Variants in CENPE observed in about 807,000 individuals in gnomAD.
CENPE encodes centromere protein E, also known as centromere-associated protein E.
Under a neutral mutation model 336.1 loss-of-function variants are expected in CENPE, and 145 were observed. The observed-to-expected ratio is 0.43, with a 90% CI of 0.38 to 0.50. The LOEUF is 0.50. Ranked by LOEUF, CENPE falls within the 20% of genes least tolerant of loss-of-function variation. The pLI is 0.00. For missense variants in CENPE, 2,719 were observed against 3,023.3 expected (o/e 0.90, Z 2.36); for synonymous variants, 1,013 against 984.8 (o/e 1.03, Z -0.54).
intron 47 of CENPE, 132 bp downstream of exon 47, chr4:103,110,696 T>A: frequency 1.9e-6 from 1 of 534,988 alleles, no homozygotes; most frequent in Non-Finnish European, 3.2e-6. Flanking sequence ...ACTTATTACC[T>A]GAGCTCTAAA....
intron 20 of CENPE, 27 bp from the exon 21 acceptor site, chr4:103,160,806 A>G (rs1379833208): frequency 6.5e-7 from 1 of 1,546,946 alleles, no homozygotes; most frequent in Admixed American, 2.1e-5. Flanking sequence ...AATTGTATAA[A>G]GATCCAATGT....
At chr4:103,153,345 G>T in intron 24 of CENPE, 95 bp from the exon 25 acceptor site, 1 of 740,864 alleles carries the variant, frequency 1.3e-6, no homozygotes, top group Non-Finnish European at 2.2e-6. Flanking sequence ...TATGTGCCAG[G>T]TACTATTCTC....
intron 16 of CENPE, among the ~76,000 whole-genome samples, chr4:103,167,098 C>T (rs71597143): frequency 8.5e-5 from 13 of 152,120 alleles, no homozygotes; most frequent in South Asian, 2.1e-4. Flanking sequence ...AAAAACAAAA[C>T]GTACAAAATT....
rs777190642 is a variant in CENPE, at chr4:103,161,371, A to G, written c.1929T>C (p.Phe643=). The part of the protein sequence containing the change: ...VALDAKRESA[F]LRSENLELKE... The stretch of plus-strand genomic sequence containing the variant: ...TCAGCTCCAGATTTTCACTTCTAAG[A>G]AAGGCTGATTCTCTCTTGGCATCAA... Residue 643 remains phenylalanine (F), a synonymous_variant, in exon 19 of 49, where the codon TTT becomes TTC. Coordinates refer to ENST00000265148, the MANE Select transcript of CENPE (RefSeq NM_001813.3). The G allele has an allele frequency of 5.0e-6, 8 of 1,612,062 alleles. No homozygotes were observed. Among genetic ancestry groups the G allele is most frequent in the Non-Finnish European group, 6.8e-6 (8 of 1,179,130 alleles).
intron 40 of CENPE, among the ~76,000 whole-genome samples, 193 bp downstream of exon 40, chr4:103,135,948 A>G (rs1261449139): frequency 1.3e-5 from 2 of 152,224 alleles, no homozygotes; most frequent in African/African-American, 2.4e-5. Context: ...ACATCCTGAC[A>G]TAATGTCTAG....
At chr4:103,154,411 C>A (rs763565983) in intron 24 of CENPE, among the ~76,000 whole-genome samples, 3 of 151,926 alleles carry the variant, frequency 2.0e-5, no homozygotes, top group South Asian at 2.1e-4. Flanking sequence ...ATGTAACCTA[C>A]AAATAATTTT....
chr4:103,192,882 T>G (rs1416688387), intron 8 of CENPE, among the ~76,000 whole-genome samples: 1 of 151,860 alleles, frequency 6.6e-6, no homozygotes, highest in Non-Finnish European at 1.5e-5. Flanking sequence ...GAGCAAGAAC[T>G]TGAGTAAGAA....
intron 48 of CENPE, among the ~76,000 whole-genome samples, chr4:103,108,563 C>T (rs779807644): frequency 1.4e-4 from 21 of 151,214 alleles, no homozygotes; most frequent in Non-Finnish European, 2.7e-4. Context: ...TCTCTTTGGA[C>T]GAAACTAAAG....
At chr4:103,180,985 GA>G (rs1295625929) in intron 12 of CENPE, among the ~76,000 whole-genome samples, 1 of 152,098 alleles carries the variant, frequency 6.6e-6, no homozygotes. Flanking sequence ...AGGATAACAT[GA>G]AAACACAGAA....
intron 16 of CENPE, among the ~76,000 whole-genome samples, chr4:103,174,460 T>C (rs1447414037): frequency 6.6e-6 from 1 of 152,016 alleles, no homozygotes; most frequent in African/African-American, 2.4e-5. Flanking sequence ...TTAATGACAA[T>C]TTATTGTATT....
rs111949098 is a variant in CENPE at position 103,194,280 on chromosome 4, T to C, written c.642A>G (p.Arg214=). The C allele has an allele frequency of 1.2e-6, 2 of 1,612,766 alleles. No individual in the cohort carries two copies. Among genetic ancestry groups the C allele is most frequent in the Non-Finnish European group, 1.7e-6 (2 of 1,179,184 alleles). ...HTIFRMILES[R]EKGEPSNCEG... ...CACAATTAGAAGGTTCACCCTTCTC[T>C]CTGCTTTCCAAAATCTAGATAGAAA... The change falls in exon 8 of 49, where the codon AGA becomes AGG. Residue 214 remains arginine (R), a synonymous_variant. Transcript: ENST00000265148.
intron 8 of CENPE, among the ~76,000 whole-genome samples, chr4:103,189,808 G>C (rs924331440): frequency 6.6e-6 from 1 of 152,006 alleles, no homozygotes; most frequent in African/African-American, 2.4e-5. Context: ...CAGGCAGGAG[G>C]AGGAAATAAA....
chr4:103,138,279 C>A lies in CENPE; in HGVS notation c.6303+72G>T, dbSNP rs1370414013. On this transcript the variant is annotated intron_variant, in intron 39 of 48. Coordinates refer to ENST00000265148, the MANE Select transcript of CENPE (RefSeq NM_001813.3). Reference sequence around the variant, plus strand: ...TATTTATTCCAGAGGTTCCTTCAATCCCACTTCAGGTTTCGGTAAGCCTTT... The same window carrying A: ...TATTTATTCCAGAGGTTCCTTCAATACCACTTCAGGTTTCGGTAAGCCTTT... The A allele has an allele frequency of 1.7e-5, 17 of 987,764 alleles. No individual in the cohort carries two copies. The East Asian group carries it at 3.8e-4, about 22-fold the overall frequency. 61.2% of individuals were successfully genotyped at this position (987,764 alleles called of 1,614,324 possible).
intron 2 of CENPE, 132 bp downstream of exon 2, chr4:103,196,627 T>G (rs1757759145): frequency 3.3e-6 from 2 of 610,710 alleles, no homozygotes; most frequent in Non-Finnish European, 5.9e-6. Context: ...TAAACAATTT[T>G]GTTTCCAGTG....
intron 8 of CENPE, among the ~76,000 whole-genome samples, chr4:103,193,980 C>T (rs1453948552): frequency 6.6e-6 from 1 of 151,938 alleles, no homozygotes; most frequent in African/African-American, 2.4e-5. Context: ...ATTCCTATAA[C>T]CCTATAGCCC....
At chr4:103,141,602 G>A in intron 35 of CENPE, 148 bp downstream of exon 35, 1 of 571,658 alleles carries the variant, frequency 1.7e-6, no homozygotes, top group Non-Finnish European at 3.1e-6. Context: ...CCCAAGAAGT[G>A]GAAATGTTGG....
rs1041942233 is a variant in CENPE, at chr4:103,159,319, T to C, written c.2292A>G (p.Gln764=). ...TTATATGGAGCTCTTCAGATTTGTC[T>C]TGTATCTATGGAAAAGAAATAAAAT... is the stretch of plus-strand genomic sequence containing the variant. The part of the protein sequence containing the change: ...SEVERLRKEI[Q]DKSEELHIIT... Residue 764 remains glutamine (Q), a synonymous_variant, in exon 22 of 49, where the codon CAA becomes CAG. Coordinates refer to ENST00000265148, the MANE Select transcript of CENPE (RefSeq NM_001813.3). 25 of 1,454,908 alleles carry C rather than the reference T, an allele frequency of 1.7e-5. No homozygotes were observed. Among genetic ancestry groups the C allele is most frequent in the Non-Finnish European group, 2.3e-5 (25 of 1,095,856 alleles). 90.1% of individuals were successfully genotyped at this position (1,454,908 alleles called of 1,614,324 possible).
chr4:103,174,725 G>T lies in CENPE; in HGVS notation c.1647+11C>A, dbSNP rs1221645298. On this transcript the variant is annotated intron_variant, in intron 16 of 48. Coordinates refer to ENST00000265148, the MANE Select transcript of CENPE (RefSeq NM_001813.3). The stretch of plus-strand genomic sequence containing the variant: ...GCTTTTAGTTTAGTTTTACATTTCT[G>T]TCTCTCTTACCTCTTGATCTTTTTT... 3.4e-6 allele frequency: 5 copies of T among 1,469,084 alleles called. No homozygotes were observed. The highest frequency in any genetic ancestry group is 1.5e-5 in the African/African-American group (1 of 68,252). 91.0% of individuals were successfully genotyped at this position (1,469,084 alleles called of 1,614,324 possible).
intron 38 of CENPE, 116 bp from the exon 39 acceptor site, chr4:103,138,565 C>T (rs1578586247): frequency 1.4e-6 from 1 of 710,060 alleles, no homozygotes; most frequent in South Asian, 1.7e-5. Flanking sequence ...AAATATTATA[C>T]TTGTCACTCA....
Sources: allele counts gnomAD v4.1 joint callset (sites outside exome capture counted in the v4.1 genomes callset), GRCh38; gene constraint gnomAD v4.1.1; transcripts MANE v1.5; gene names NCBI Gene and HGNC (gene_info 2026-07-23, HGNC 2026-07-21).